PRH1: variants seen among roughly 807,000 people sequenced by gnomAD.
PRH1 encodes the protein proline rich protein HaeIII subfamily 1, also known as salivary acidic proline-rich phosphoprotein 1/2.
A neutral mutation model predicts 7.9 loss-of-function variants in PRH1; 7 were observed. The ratio of observed to expected loss-of-function variants is 0.89; its 90% CI spans 0.50 to 1.67. The LOEUF (loss-of-function observed/expected upper bound fraction) is 1.67, where lower values mean the gene tolerates loss of function less well. PRH1 is among the 40% of genes most tolerant of loss of function. The pLI is 0.00. For missense variants in PRH1, 109 were observed against 223.6 expected, an observed-to-expected ratio of 0.49 and a Z score of 3.27; for synonymous variants, 45 against 80.8, an observed-to-expected ratio of 0.56 and a Z score of 2.38.
At chr12:11,156,363 T>C (rs1947249346) in intron 1 of PRH1, among the ~76,000 whole-genome samples, 1 of 152,190 alleles carries the variant, frequency 6.6e-6, no homozygotes, top group Non-Finnish European at 1.5e-5. Flanking sequence ...TGTCTGAGGT[T>C]TGTTGGTTTC....
chr12:11,167,760 T>A (rs374143349), intron 1 of PRH1, among the ~76,000 whole-genome samples: 1 of 152,174 alleles, frequency 6.6e-6, no homozygotes, highest in African/African-American at 2.4e-5. Context: ...TCTAACAAGC[T>A]CAAAATAAAT....
intron 1 of PRH1, among the ~76,000 whole-genome samples, chr12:11,054,332 A>C (rs1033176391): frequency 3.9e-5 from 6 of 152,174 alleles, no homozygotes; most frequent in African/African-American, 1.4e-4. Context: ...ACTTACACAA[A>C]TACTCTGTGC....
Position 11,115,185 on chromosome 12 carries a change from C to A in PRH1, n.123+56237G>T, listed in dbSNP as rs1041481032. Among the ~76,000 whole-genome samples the A allele has an allele frequency of 3.3e-5, 5 of 151,968 alleles. No homozygotes were observed. The South Asian group carries it at 1.0e-3, about 32-fold the overall frequency. On this transcript the variant is annotated intron_variant and non_coding_transcript_variant, in intron 1 of 4. Coordinates refer to the PRH1 transcript ENST00000541977. ...CACACTTTGTCTATAAAGACATGCACAGAAAGAAAACAACGGGATGGAAAA... is the reference window on the plus strand; with the variant it reads ...CACACTTTGTCTATAAAGACATGCAAAGAAAGAAAACAACGGGATGGAAAA...
At chr12:11,123,078 G>C (rs1473595582) in intron 1 of PRH1, among the ~76,000 whole-genome samples, 1 of 152,076 alleles carries the variant, frequency 6.6e-6, no homozygotes, top group Non-Finnish European at 1.5e-5. Context: ...ACTGTGTATA[G>C]GTGCAATCCT....
At chr12:11,039,485 A>G (rs1390988564) in intron 1 of PRH1, among the ~76,000 whole-genome samples, 2 of 152,248 alleles carry the variant, frequency 1.3e-5, no homozygotes, top group African/African-American at 2.4e-5. Context: ...ATTCTCATCT[A>G]CTAGCATGCC....
chr12:10,901,335 G>A (rs1392476734), intron 2 of PRH1, among the ~76,000 whole-genome samples: 1 of 152,148 alleles, frequency 6.6e-6, no homozygotes, highest in East Asian at 1.9e-4. Flanking sequence ...TAAGAGTTTA[G>A]GCCAATCTCT....
chr12:11,131,421 T>G (rs3863323), intron 1 of PRH1, among the ~76,000 whole-genome samples: 2,323 of 151,304 alleles, frequency 0.015, 19 homozygotes, highest in South Asian at 0.031. Flanking sequence ...TGGCCTTCCA[T>G]ATAAATGTCA....
At chr12:11,169,959 G>A (rs1470149569) in intron 1 of PRH1, among the ~76,000 whole-genome samples, 1 of 152,100 alleles carries the variant, frequency 6.6e-6, no homozygotes, top group Non-Finnish European at 1.5e-5. Context: ...AGAAACAGAG[G>A]TACTCTAGGG....
intron 1 of PRH1, among the ~76,000 whole-genome samples, chr12:11,147,295 C>A (rs535925562): frequency 1.3e-5 from 2 of 152,254 alleles, no homozygotes; most frequent in Middle Eastern, 3.4e-3. Context: ...AGATCAGATC[C>A]TCCCACCTCA....
At chr12:10,883,792 A>C (rs1949446552) in intron 1 of PRH1, among the ~76,000 whole-genome samples, 1 of 152,142 alleles carries the variant, frequency 6.6e-6, no homozygotes, top group South Asian at 2.1e-4. Flanking sequence ...CATCCACTGT[A>C]CAGCAAGGCC....
intron 1 of PRH1, among the ~76,000 whole-genome samples, chr12:11,010,594 G>C (rs1421021827): frequency 6.6e-6 from 1 of 151,816 alleles, no homozygotes; most frequent in Non-Finnish European, 1.5e-5. Context: ...GCCTTAATCA[G>C]GTAATGCCAT....
At chr12:11,091,765 T>A in intron 1 of PRH1, 3 of 1,352,290 alleles carry the variant, frequency 2.2e-6, no homozygotes, top group Non-Finnish European at 3.2e-6. Context: ...CAAATTCTTT[T>A]GTCCGCACAA....
At position 11,133,361 on chromosome 12, in the gene PRH1, C is replaced by T. The variant is rs772868082; in HGVS notation, n.40-12181G>A. On this transcript the variant is annotated intron_variant and non_coding_transcript_variant, in intron 1 of 1. Transcript: ENST00000541175. ...GTCTTTCACCCAGTACCTCACATGC[C>T]GCAAAACTGAAAGAAAAATCTGCTT... is the stretch of plus-strand genomic sequence containing the variant. 1.1e-5 allele frequency: 17 copies of T among 1,613,740 alleles called. No homozygotes were observed. In the East Asian group the frequency reaches 1.1e-4, roughly 11 times the overall value.
intron 1 of PRH1, among the ~76,000 whole-genome samples, chr12:11,005,494 G>T (rs1940785113): frequency 6.6e-6 from 1 of 152,090 alleles, no homozygotes; most frequent in Admixed American, 6.6e-5. Flanking sequence ...TCAGATTTAT[G>T]TAAACAGAAT....
chr12:11,155,346 A>G (rs1460550380), intron 1 of PRH1, among the ~76,000 whole-genome samples: 1 of 152,200 alleles, frequency 6.6e-6, no homozygotes, highest in Non-Finnish European at 1.5e-5. Context: ...AGCTTTTCTC[A>G]CTTGAAAACC....
chr12:11,150,775 C>T (rs1947056648), intron 1 of PRH1, among the ~76,000 whole-genome samples: 1 of 152,122 alleles, frequency 6.6e-6, no homozygotes, highest in African/African-American at 2.4e-5. Context: ...ACATATGTAA[C>T]TTACCTGCAC....
chr12:10,984,959 G>A (rs1939531534), intron 1 of PRH1, among the ~76,000 whole-genome samples: 1 of 151,720 alleles, frequency 6.6e-6, no homozygotes, highest in African/African-American at 2.4e-5. Context: ...TTTTTACATA[G>A]AGTATTTTTC....
At chr12:10,922,383 C>A (rs1484716122) in intron 2 of PRH1, among the ~76,000 whole-genome samples, 1 of 152,168 alleles carries the variant, frequency 6.6e-6, no homozygotes, top group African/African-American at 2.4e-5. Context: ...GAGTTCTAAA[C>A]ATTTATCTTT....
At chr12:11,105,609 T>C (rs560603263) in intron 1 of PRH1, among the ~76,000 whole-genome samples, 3 of 152,342 alleles carry the variant, frequency 2.0e-5, no homozygotes, top group African/African-American at 7.2e-5. Flanking sequence ...TGATTTCTCA[T>C]CTACTAGCAT....
Sources: allele counts gnomAD v4.1 joint callset (sites outside exome capture counted in the v4.1 genomes callset), GRCh38; gene constraint gnomAD v4.1.1; transcripts MANE v1.5; gene names NCBI Gene and HGNC (gene_info 2026-07-23, HGNC 2026-07-21).